Variants in ZNF626 observed in about 807,000 individuals in gnomAD.
ZNF626 encodes CTC-513N18.7.
ZNF626 carries 4 observed loss-of-function variants against 11.7 expected under a neutral mutation model. The observed-to-expected ratio is 0.34, with a 90% CI of 0.17 to 0.78. The LOEUF is 0.78. Among genes scored for constraint, ZNF626 ranks in the 30% least tolerant of loss-of-function variants. The probability of loss-of-function intolerance (pLI) is 0.57; values close to 1 mark genes in which losing one functional copy is unlikely to be tolerated. For synonymous variants in ZNF626, 179 were observed against 198.6 expected (o/e 0.90, Z 0.83); for missense variants, 588 against 587.1 (o/e 1.00, Z -0.01).
chr19:20,631,572 G>T (rs1445636129), intron 3 of ZNF626, among the ~76,000 whole-genome samples: 1 of 141,790 alleles, frequency 7.1e-6, no homozygotes, highest in Admixed American at 7.1e-5. Context: ...ATCTTTGTTG[G>T]TTTAAAGTCT....
rs1333597204 is a variant in ZNF626 at position 20,647,202 on chromosome 19, G to T, written c.4-797C>A. 3.9e-5 allele frequency among the ~76,000 whole-genome samples: 6 copies of T among 151,984 alleles called. No individual in the cohort carries two copies. The East Asian group carries it at 1.2e-3, about 29-fold the overall frequency. ...ATGCCAATGTCTTTGGCCCAAGAAG[G>T]ATATTTTGTCAAACATTTAGTAAGT... is the stretch of plus-strand genomic sequence containing the variant. On this transcript the variant is annotated intron_variant, in intron 1 of 3. Transcript: ENST00000601440.
intron 3 of ZNF626, among the ~76,000 whole-genome samples, chr19:20,626,105 A>AT (rs1969828854): frequency 1.8e-5 from 1 of 54,466 alleles, no homozygotes; most frequent in Non-Finnish European, 6.2e-5. Context: ...TACTAAAATT[A>AT]CAAAAAATTA....
At chr19:20,640,596 A>ATTC (rs782104221) in intron 3 of ZNF626, among the ~76,000 whole-genome samples, 8,068 of 151,584 alleles carry the variant, frequency 0.053, 310 homozygotes, top group Non-Finnish European at 0.08. Flanking sequence ...TTTATTAGAA[A>ATTC]AGTACACAAA....
chr19:20,661,456 C>A lies in ZNF626; in HGVS notation c.-10G>T. The A allele has an allele frequency of 6.2e-7, 1 of 1,613,782 alleles. No individual in the cohort carries two copies. The highest frequency in any genetic ancestry group is 8.5e-7 in the Non-Finnish European group (1 of 1,179,798). On this transcript the variant is annotated 5_prime_UTR_variant, in exon 1 of 4. Transcript: ENST00000601440. ...CCCTCACTCTCACCATTTTTGGCTT[C>A]CAGGAGGTCCCGGTGTCTTAGCTGT...
intron 3 of ZNF626, among the ~76,000 whole-genome samples, chr19:20,627,284 A>C (rs1241416267): frequency 6.6e-6 from 1 of 151,608 alleles, no homozygotes; most frequent in African/African-American, 2.4e-5. Flanking sequence ...ATCATAGATA[A>C]GAAGAGAATT....
intron 1 of ZNF626, among the ~76,000 whole-genome samples, chr19:20,655,203 GCAAGGTA>G (rs1324180334): frequency 6.6e-6 from 1 of 152,122 alleles, no homozygotes; most frequent in East Asian, 1.9e-4. Flanking sequence ...TAAACAGAAA[GCAAGGTA>G]CAACTACAGA....
At chr19:20,660,881 A>T (rs1970259699) in intron 1 of ZNF626, among the ~76,000 whole-genome samples, 1 of 152,202 alleles carries the variant, frequency 6.6e-6, no homozygotes, top group African/African-American at 2.4e-5. Context: ...AAGGGGGTAG[A>T]AGAAGAGGTA....
chr19:20,627,356 T>C (rs1483290932), intron 3 of ZNF626, among the ~76,000 whole-genome samples: 2 of 152,076 alleles, frequency 1.3e-5, no homozygotes, highest in Non-Finnish European at 1.5e-5. Context: ...CTGAAGTTTA[T>C]TTTTTACCAC....
At chr19:20,641,617 T>C (rs1431610866) in intron 3 of ZNF626, among the ~76,000 whole-genome samples, 2 of 152,128 alleles carry the variant, frequency 1.3e-5, no homozygotes, top group Non-Finnish European at 1.5e-5. Flanking sequence ...TGAGACAGGG[T>C]CTCACTCTGT....
chr19:20,628,289 A>AG (rs1969863861), intron 3 of ZNF626, among the ~76,000 whole-genome samples: 1 of 152,210 alleles, frequency 6.6e-6, no homozygotes, highest in Non-Finnish European at 1.5e-5. Flanking sequence ...CTTTGGGTAT[A>AG]TACCCAGTAA....
At chr19:20,625,751 A>G (rs1969823210) in intron 3 of ZNF626, 101 bp from the exon 4 acceptor site, 1 of 1,207,384 alleles carries the variant, frequency 8.3e-7, no homozygotes, top group Non-Finnish European at 1.1e-6. Flanking sequence ...TACATAAGCA[A>G]GATGACACAG....
At chr19:20,659,992 G>A (rs1970246721) in intron 1 of ZNF626, among the ~76,000 whole-genome samples, 3 of 151,914 alleles carry the variant, frequency 2.0e-5, no homozygotes, top group African/African-American at 7.3e-5. Context: ...CTGTTGGCCG[G>A]GTGCGGTGGC....
intron 3 of ZNF626, chr19:20,645,243 A>G: frequency 7.1e-7 from 1 of 1,404,656 alleles, no homozygotes; most frequent in Non-Finnish European, 9.3e-7. Flanking sequence ...TGTGCAGAAA[A>G]ATGAACAAAA....
chr19:20,626,587 ATGT>A (rs1969836279), intron 3 of ZNF626, among the ~76,000 whole-genome samples: 2 of 152,046 alleles, frequency 1.3e-5, no homozygotes, highest in Non-Finnish European at 2.9e-5. Context: ...GCATGGTGGC[ATGT>A]GCCTGTAATC....
intron 3 of ZNF626, among the ~76,000 whole-genome samples, chr19:20,626,496 A>G (rs1555769737): frequency 6.6e-6 from 1 of 152,096 alleles, no homozygotes; most frequent in South Asian, 2.1e-4. Flanking sequence ...AGGTGGGAAA[A>G]CCACATTAGG....
chr19:20,625,484 A>G lies in ZNF626; in HGVS notation c.393T>C (p.Asn131=). Reference sequence around the variant, plus strand: ...TAGTTGTCAAACATTGGTTAAGTTCATTATAACCTTCTTTGTGCACCTTAC... The same window carrying G: ...TAGTTGTCAAACATTGGTTAAGTTCGTTATAACCTTCTTTGTGCACCTTAC... ...DECKVHKEGY[N]ELNQCLTTTP... Residue 131 remains asparagine, a synonymous_variant, in exon 4 of 4, where the codon AAT becomes AAC. Coordinates refer to ENST00000601440, the MANE Select transcript of ZNF626 (RefSeq NM_001076675.3). The G allele has an allele frequency of 6.2e-7, 1 of 1,614,056 alleles. No individual in the cohort carries two copies. The highest frequency in any genetic ancestry group is 1.7e-5 in the Admixed American group (1 of 60,004).
At chr19:20,642,608 A>ACAG (rs1261663260) in intron 3 of ZNF626, among the ~76,000 whole-genome samples, 4 of 149,772 alleles carry the variant, frequency 2.7e-5, no homozygotes, top group Non-Finnish European at 6.0e-5. Context: ...AACAACAACA[A>ACAG]CAGCAGCAAC....
rs1216183075 is a variant in ZNF626 at position 20,623,958 on chromosome 19, C to T, written c.*332G>A. 5.7e-5 allele frequency: 20 copies of T among 353,580 alleles called. 1 individual carries two copies. The highest frequency in any genetic ancestry group is 8.8e-5 in the African/African-American group (3 of 34,030). 21.9% of individuals were successfully genotyped at this position (353,580 alleles called of 1,614,324 possible). On this transcript the variant is annotated 3_prime_UTR_variant, in exon 4 of 4. Coordinates refer to ENST00000601440, the MANE Select transcript of ZNF626 (RefSeq NM_001076675.3). Reference sequence around the variant, plus strand: ...TATTTGTAGAGTTTATATTTCATATCAATTCTTAGTTAGAAATTGAGGGCT... The same window carrying T: ...TATTTGTAGAGTTTATATTTCATATTAATTCTTAGTTAGAAATTGAGGGCT...
intron 3 of ZNF626, among the ~76,000 whole-genome samples, chr19:20,629,233 T>C (rs1389557019): frequency 1.3e-5 from 2 of 151,406 alleles, no homozygotes; most frequent in Non-Finnish European, 2.9e-5. Flanking sequence ...TCCAGCTTTA[T>C]TCTTTTGGCT....
Sources: gnomAD v4.1 joint callset for allele counts (sites outside exome capture counted in the v4.1 genomes callset) on GRCh38, gnomAD v4.1.1 for gene constraint, MANE v1.5 for transcripts, NCBI Gene and HGNC (gene_info 2026-07-23, HGNC 2026-07-21) for gene names.